Variants in RIMS2 observed in about 807,000 individuals in gnomAD.
RIMS2 encodes regulating synaptic membrane exocytosis protein 2.
Under a neutral mutation model 174.4 loss-of-function variants are expected in RIMS2, and 59 were observed. The observed-to-expected ratio is 0.34, with a 90% CI of 0.27 to 0.42. The LOEUF (loss-of-function observed/expected upper bound fraction) is 0.42. RIMS2 is among the 10% of genes least tolerant of loss of function. The probability of loss-of-function intolerance (pLI) is 1.00; values close to 1 mark genes in which losing one functional copy is unlikely to be tolerated. For missense variants in RIMS2, 1,620 were observed against 1,666.3 expected, an observed-to-expected ratio of 0.97 and a Z score of 0.48; for synonymous variants, 606 against 572.5, an observed-to-expected ratio of 1.06 and a Z score of -0.84.
chr8:103,559,434 A>G, intron 1 of RIMS2: 1 of 354,910 alleles, frequency 2.8e-6, no homozygotes. Flanking sequence ...TTAAAAAGAA[A>G]GAGAGAGTTC....
intron 12 of RIMS2, among the ~76,000 whole-genome samples, chr8:103,935,041 CT>C (rs1343309512): frequency 6.6e-6 from 1 of 152,188 alleles, no homozygotes; most frequent in Non-Finnish European, 1.5e-5. Flanking sequence ...TGGTTAAATA[CT>C]TTCATCCTGG....
intron 4 of RIMS2, among the ~76,000 whole-genome samples, chr8:103,895,039 A>G (rs2099269514): frequency 6.6e-6 from 1 of 151,488 alleles, no homozygotes; most frequent in Non-Finnish European, 1.5e-5. Flanking sequence ...TATGCTTATA[A>G]TTTTTCTGCT....
chr8:103,813,953 G>A (rs2098703702), intron 3 of RIMS2, among the ~76,000 whole-genome samples: 1 of 152,114 alleles, frequency 6.6e-6, no homozygotes, highest in Non-Finnish European at 1.5e-5. Flanking sequence ...GCACTCGTAT[G>A]TTCATTGCAG....
At chr8:104,158,645 C>CACTGGT in intron 19 of RIMS2, among the ~76,000 whole-genome samples, 1 of 152,212 alleles carries the variant, frequency 6.6e-6, no homozygotes, top group African/African-American at 2.4e-5. Flanking sequence ...TCTCTGATGA[C>CACTGGT]CAGTGATGAT....
At position 103,898,173 on chromosome 8, in the gene RIMS2, A is replaced by G. The variant is rs563236734; in HGVS notation, c.1624+11950A>G. Among the ~76,000 whole-genome samples, 22 of 151,718 alleles carry G rather than the reference A, an allele frequency of 1.5e-4. 2 individuals carry two copies. The highest frequency in any genetic ancestry group is 5.4e-4 in the African/African-American group (22 of 41,102). ...TTGTAGGATTTACCTTCTACCCTCT[A>G]AAGAGTATATGACTAAACAAGACTT... On this transcript the variant is annotated intron_variant, in intron 4 of 23. Transcript: ENST00000504942.
chr8:103,623,711 G>T (rs1433344708), intron 1 of RIMS2, among the ~76,000 whole-genome samples: 4 of 150,920 alleles, frequency 2.7e-5, no homozygotes, highest in Admixed American at 6.6e-5. Context: ...GGATGGTCTC[G>T]ATCTCCTGAC....
chr8:103,959,329 A>C (rs1349995319), intron 14 of RIMS2, among the ~76,000 whole-genome samples: 1 of 152,100 alleles, frequency 6.6e-6, no homozygotes, highest in African/African-American at 2.4e-5. Flanking sequence ...AAATAGGGAC[A>C]TGTTATTACT....
chr8:103,830,910 G>A (rs1258416795), intron 3 of RIMS2, among the ~76,000 whole-genome samples: 1 of 152,128 alleles, frequency 6.6e-6, no homozygotes, highest in African/African-American at 2.4e-5. Context: ...CCATGCTCAA[G>A]CAATCCTCCC....
chr8:104,251,186 C>T, intron 23 of RIMS2, 23 bp downstream of exon 29: 1 of 1,580,102 alleles, frequency 6.3e-7, no homozygotes, highest in Non-Finnish European at 8.6e-7. Context: ...TTGTTTATCC[C>T]TTACCTAAGA....
chr8:103,559,894 T>A (rs980005315), intron 1 of RIMS2, among the ~76,000 whole-genome samples: 3 of 152,220 alleles, frequency 2.0e-5, no homozygotes, highest in African/African-American at 7.2e-5. Context: ...AAGCTCCTAT[T>A]CCCACAGGAT....
At chr8:103,568,709 C>T (rs1003672530) in intron 1 of RIMS2, 2 of 791,932 alleles carry the variant, frequency 2.5e-6, no homozygotes, top group Non-Finnish European at 4.4e-6. Flanking sequence ...GTTCTTCTAG[C>T]TTACATAAGG....
Position 103,955,395 on chromosome 8 carries a change from G to A in RIMS2, c.2702-5670G>A, listed in dbSNP as rs185781505. Among the ~76,000 whole-genome samples, 3 of 152,190 alleles carry A rather than the reference G, an allele frequency of 2.0e-5. No individual in the cohort carries two copies. The East Asian group carries it at 5.8e-4, about 29-fold the overall frequency. On this transcript the variant is annotated intron_variant, in intron 14 of 23. Coordinates refer to ENST00000504942, the Ensembl canonical transcript of RIMS2. ...AATCCAGCAGCACATCAAGAAGGTT[G>A]TCCACCACAATCAAGTTGGATTCAT...
intron 19 of RIMS2, among the ~76,000 whole-genome samples, chr8:104,123,583 C>A (rs188565394): frequency 7.9e-5 from 12 of 151,320 alleles, no homozygotes; most frequent in African/African-American, 2.9e-4. Flanking sequence ...GTAGATTTTT[C>A]TGTTATTTCT....
intron 19 of RIMS2, among the ~76,000 whole-genome samples, chr8:104,160,259 A>G (rs776793484): frequency 1.3e-5 from 2 of 152,222 alleles, no homozygotes; most frequent in Non-Finnish European, 2.9e-5. Context: ...ATTCATTTTT[A>G]CATCTCTGGT....
At chr8:103,968,503 T>G (rs1353203945) in intron 15 of RIMS2, among the ~76,000 whole-genome samples, 4 of 150,634 alleles carry the variant, frequency 2.7e-5, no homozygotes, top group Admixed American at 6.6e-5. Context: ...CAGTTATACT[T>G]CTTTTTCTTA....
chr8:104,081,158 G>C (rs1016346112), intron 19 of RIMS2, among the ~76,000 whole-genome samples: 1 of 151,970 alleles, frequency 6.6e-6, no homozygotes, highest in East Asian at 1.9e-4. Context: ...GCCATTTTCA[G>C]GTCATTTTTA....
At chr8:103,529,773 T>C (rs1836112844) in intron 1 of RIMS2, among the ~76,000 whole-genome samples, 2 of 152,270 alleles carry the variant, frequency 1.3e-5, no homozygotes, top group Non-Finnish European at 2.9e-5. Context: ...TCCAGTATAC[T>C]TTATATAATC....
intron 9 of RIMS2, among the ~76,000 whole-genome samples, chr8:103,919,079 A>G (rs1358118701): frequency 2.6e-5 from 4 of 152,196 alleles, no homozygotes; most frequent in Non-Finnish European, 5.9e-5. Flanking sequence ...TTTGAGTGCT[A>G]TTTCCAATGT....
chr8:104,006,712 A>T (rs1474376251), intron 17 of RIMS2, among the ~76,000 whole-genome samples: 4 of 139,700 alleles, frequency 2.9e-5, no homozygotes, highest in African/African-American at 1.1e-4. Context: ...TCAAGTGTGT[A>T]TTTTTACATA....
Sources: allele counts gnomAD v4.1 joint callset (sites outside exome capture counted in the v4.1 genomes callset), GRCh38; gene constraint gnomAD v4.1.1; transcripts MANE v1.5; gene names NCBI Gene and HGNC (gene_info 2026-07-23, HGNC 2026-07-21).